The following ARB2A variants were observed in gnomAD, a reference collection of about 807,000 sequenced individuals.
The protein encoded by ARB2A is cotranscriptional regulator ARB2A.
chr5:93,778,429 ATTTGT>A, the ARB2A span, among the ~76,000 whole-genome samples: 2 of 152,176 alleles, frequency 1.3e-5, no homozygotes, highest in African/African-American at 4.8e-5. Flanking sequence ...TAAATGGATG[ATTTGT>A]TTTATCATTC....
At chr5:93,853,815 A>C in the ARB2A span, among the ~76,000 whole-genome samples, 2 of 152,168 alleles carry the variant, frequency 1.3e-5, no homozygotes, top group Non-Finnish European at 2.9e-5. Context: ...AGCCCACTTG[A>C]TCATGGTGGA....
the ARB2A span, chr5:94,050,656 G>T: frequency 9.1e-7 from 1 of 1,102,642 alleles, no homozygotes; most frequent in Non-Finnish European, 1.3e-6. Context: ...TGCATAAACT[G>T]CTGCATCTTC....
At chr5:93,781,127 C>T in the ARB2A span, among the ~76,000 whole-genome samples, 1 of 152,076 alleles carries the variant, frequency 6.6e-6, no homozygotes, top group African/African-American at 2.4e-5. Flanking sequence ...AAATAGTGTA[C>T]ATCGTACTCA....
the ARB2A span, among the ~76,000 whole-genome samples, chr5:93,869,341 T>C: frequency 6.6e-6 from 1 of 152,172 alleles, no homozygotes; most frequent in Non-Finnish European, 1.5e-5. Flanking sequence ...GTCCATCTAA[T>C]TGTATTTTAC....
chr5:93,643,683 A>G, the ARB2A span, among the ~76,000 whole-genome samples: 31,203 of 152,002 alleles, frequency 0.21, 4,674 homozygotes, highest in African/African-American at 0.42. Context: ...TAGTAGAGAC[A>G]GGGTTTCTCC....
the ARB2A span, among the ~76,000 whole-genome samples, chr5:93,765,063 A>G: frequency 6.6e-6 from 1 of 152,254 alleles, no homozygotes; most frequent in East Asian, 1.9e-4. Flanking sequence ...TAAGAGCTAT[A>G]TATGACAAAC....
chr5:93,781,426 CAGT>C, the ARB2A span, among the ~76,000 whole-genome samples: 1 of 152,062 alleles, frequency 6.6e-6, no homozygotes, highest in African/African-American at 2.4e-5. Context: ...TTTCTTTATC[CAGT>C]CATCCTTTGA....
At chr5:94,059,338 T>C in the ARB2A span, among the ~76,000 whole-genome samples, 3 of 151,918 alleles carry the variant, frequency 2.0e-5, no homozygotes, top group Non-Finnish European at 2.9e-5. Flanking sequence ...GATAAAATCT[T>C]AGGGCCAGGC....
the ARB2A span, among the ~76,000 whole-genome samples, chr5:93,906,796 G>A: frequency 1.3e-5 from 2 of 151,348 alleles, no homozygotes; most frequent in African/African-American, 4.8e-5. Context: ...ATTGATTAAA[G>A]CATTTTTAGT....
chr5:93,768,004 A>C, the ARB2A span, among the ~76,000 whole-genome samples: 448 of 143,842 alleles, frequency 3.1e-3, 3 homozygotes, highest in African/African-American at 0.012. Context: ...AAAAAAAAAA[A>C]AAAAAAAAAA....
the ARB2A span, chr5:93,739,912 T>A: frequency 1.9e-4 from 27 of 144,334 alleles, no homozygotes; most frequent in African/African-American, 6.8e-4. Flanking sequence ...GGACAAGACA[T>A]AGTCCCATGG....
the ARB2A span, among the ~76,000 whole-genome samples, chr5:93,761,049 C>T: frequency 3.5e-4 from 53 of 152,176 alleles, no homozygotes; most frequent in Middle Eastern, 0.01. Context: ...ACAAACAAAT[C>T]AGTAAGGAAA....
chr5:93,747,237 CTTTTAAGTGT>C, the ARB2A span, among the ~76,000 whole-genome samples: 1 of 152,050 alleles, frequency 6.6e-6, no homozygotes, highest in Non-Finnish European at 1.5e-5. Flanking sequence ...GCAGATAACT[CTTTTAAGTGT>C]TGTGAGAATT....
chr5:93,864,843 C>A, the ARB2A span, among the ~76,000 whole-genome samples: 2 of 152,262 alleles, frequency 1.3e-5, no homozygotes, highest in South Asian at 2.1e-4. Flanking sequence ...ATACTGTAAT[C>A]TGCCTAATAT....
the ARB2A span, among the ~76,000 whole-genome samples, chr5:94,019,280 G>A: frequency 6.6e-6 from 1 of 152,104 alleles, no homozygotes; most frequent in Non-Finnish European, 1.5e-5. Flanking sequence ...AACACCAAAA[G>A]CAATGGCAAC....
chr5:93,924,677 A>G, the ARB2A span, among the ~76,000 whole-genome samples: 4 of 152,198 alleles, frequency 2.6e-5, no homozygotes, highest in Non-Finnish European at 5.9e-5. Context: ...ACAGCAAATA[A>G]GAAACAAATA....
the ARB2A span, among the ~76,000 whole-genome samples, chr5:93,640,773 A>C: frequency 6.6e-6 from 1 of 151,978 alleles, no homozygotes; most frequent in Non-Finnish European, 1.5e-5. Context: ...TGGGTCTGTA[A>C]ATATTTACAG....
the ARB2A span, among the ~76,000 whole-genome samples, chr5:93,830,311 G>GTGTATGTGTA: frequency 3.6e-5 from 3 of 82,256 alleles, no homozygotes; most frequent in African/African-American, 1.6e-4. Context: ...GTGTGTGTGT[G>GTGTATGTGTA]TATATATATA....
chr5:94,024,369 T>C, the ARB2A span, among the ~76,000 whole-genome samples: 1 of 152,190 alleles, frequency 6.6e-6, no homozygotes, highest in South Asian at 2.1e-4. Flanking sequence ...TCCAGCCTGC[T>C]GGCCTCCCCC....
Sources: allele counts gnomAD v4.1 joint callset (sites outside exome capture counted in the v4.1 genomes callset), GRCh38; gene constraint gnomAD v4.1.1; transcripts MANE v1.5; gene names NCBI Gene and HGNC (gene_info 2026-07-23, HGNC 2026-07-21).